Variants in CEMIP2 observed in about 807,000 individuals in gnomAD.
CEMIP2 encodes the protein cell surface hyaluronidase CEMIP2.
A neutral mutation model predicts 146.9 loss-of-function variants in CEMIP2; 79 were observed. The observed-to-expected ratio is 0.54, with a 90% CI of 0.45 to 0.65. The LOEUF is 0.65. CEMIP2 is among the 30% of genes least tolerant of loss of function. CEMIP2 has a pLI of 0.00. For missense variants in CEMIP2, 1,596 were observed against 1,696.2 expected, an observed-to-expected ratio of 0.94 and a Z score of 1.04; for synonymous variants, 601 against 606.3, an observed-to-expected ratio of 0.99 and a Z score of 0.13.
chr9:71,700,859 C>T, intron 18 of CEMIP2, 35 bp from the exon 19 acceptor site: 9 of 1,572,696 alleles, frequency 5.7e-6, no homozygotes, highest in Non-Finnish European at 7.8e-6. Flanking sequence ...TTAGTTTACA[C>T]TTCAGCCATT....
At chr9:71,751,947 G>C (rs1054385952) in intron 1 of CEMIP2, among the ~76,000 whole-genome samples, 79 of 152,042 alleles carry the variant, frequency 5.2e-4, no homozygotes, top group African/African-American at 1.9e-3. Flanking sequence ...CTTAAATTTT[G>C]TTTGAAAAAA....
At chr9:71,720,292 T>C (rs1564008087) in intron 12 of CEMIP2, among the ~76,000 whole-genome samples, 1 of 152,194 alleles carries the variant, frequency 6.6e-6, no homozygotes, top group African/African-American at 2.4e-5. Flanking sequence ...TTAACAGGTT[T>C]TTTTGTTTGT....
intron 20 of CEMIP2, 200 bp downstream of exon 20, chr9:71,697,785 A>G (rs1347671072): frequency 1.8e-6 from 1 of 553,642 alleles, no homozygotes; most frequent in East Asian, 3.0e-5. Flanking sequence ...GACGTATCAC[A>G]GGGGCAAGTA....
At chr9:71,734,480 C>T (rs953463615) in intron 6 of CEMIP2, among the ~76,000 whole-genome samples, 1 of 152,120 alleles carries the variant, frequency 6.6e-6, no homozygotes, top group Non-Finnish European at 1.5e-5. Flanking sequence ...TGTAATGAAC[C>T]TACACATCCT....
intron 14 of CEMIP2, 44 bp from the exon 15 acceptor site, chr9:71,715,133 T>G: frequency 3.8e-6 from 6 of 1,594,724 alleles, no homozygotes; most frequent in Non-Finnish European, 4.3e-6. Context: ...CTCCAGAAAA[T>G]TTAAATGTAT....
chr9:71,734,406 T>G (rs937782429), intron 6 of CEMIP2, among the ~76,000 whole-genome samples: 1 of 152,134 alleles, frequency 6.6e-6, no homozygotes, highest in Admixed American at 6.5e-5. Context: ...TAATGCATGC[T>G]TGGATTAATA....
At chr9:71,696,892 A>G (rs1032617831) in intron 20 of CEMIP2, among the ~76,000 whole-genome samples, 36 of 152,078 alleles carry the variant, frequency 2.4e-4, no homozygotes, top group Non-Finnish European at 2.9e-4. Context: ...TGAAAAAAAA[A>G]AGAGAGAGAA....
At chr9:71,690,347 A>C in intron 21 of CEMIP2, 101 bp from the exon 22 acceptor site, 1 of 1,353,762 alleles carries the variant, frequency 7.4e-7, no homozygotes, top group East Asian at 2.5e-5. Context: ...TAAACCCATG[A>C]TTCAAAGTAT....
intron 17 of CEMIP2, among the ~76,000 whole-genome samples, chr9:71,707,809 C>T (rs575846649): frequency 6.6e-6 from 1 of 152,322 alleles, no homozygotes; most frequent in East Asian, 1.9e-4. Context: ...CAGCCCAATT[C>T]TATGTGGAAA....
In CEMIP2 at chr9:71,690,321, C is replaced by A. The variant is rs1822192402; in HGVS notation, c.3697-75G>T. The stretch of plus-strand genomic sequence containing the variant: ...TGCAGGATGACTCATTTTTCCGGCC[C>A]TTTCCCTGTGTCTTCTAAACCCATG... On this transcript the variant is annotated intron_variant, in intron 21 of 23. Coordinates refer to ENST00000377044, the MANE Select transcript of CEMIP2 (RefSeq NM_013390.3). 7.8e-6 allele frequency: 12 copies of A among 1,532,462 alleles called. No individual in the cohort carries two copies. The South Asian group carries it at 1.4e-4, about 18-fold the overall frequency. The allele number at this position is 1,532,462 out of a possible 1,614,324, so 94.9% of individuals were successfully genotyped here.
chr9:71,741,631 GTTTTTTT>G (rs11334265), intron 4 of CEMIP2, among the ~76,000 whole-genome samples: 7 of 73,166 alleles, frequency 9.6e-5, no homozygotes, highest in Admixed American at 6.9e-4. Context: ...TTCTTTTCTG[GTTTTTTT>G]TTTTTTTTTT....
intron 17 of CEMIP2, among the ~76,000 whole-genome samples, chr9:71,707,427 C>A (rs1202458888): frequency 6.6e-6 from 1 of 152,072 alleles, no homozygotes; most frequent in Non-Finnish European, 1.5e-5. Flanking sequence ...ACCAGAAAGT[C>A]TCTCCCGTCT....
chr9:71,711,984 C>G (rs1325987210), intron 16 of CEMIP2, 99 bp downstream of exon 16: 22 of 1,332,022 alleles, frequency 1.7e-5, no homozygotes, highest in Non-Finnish European at 2.3e-5. Context: ...CCCACTCGTA[C>G]AGACTCGGTG....
intron 15 of CEMIP2, among the ~76,000 whole-genome samples, chr9:71,714,680 T>A (rs1822998362): frequency 6.6e-6 from 1 of 152,232 alleles, no homozygotes; most frequent in African/African-American, 2.4e-5. Context: ...CAAGTTTCTT[T>A]GTTATAAAAT....
At chr9:71,721,114 T>G (rs1236674373) in intron 12 of CEMIP2, among the ~76,000 whole-genome samples, 1 of 152,178 alleles carries the variant, frequency 6.6e-6, no homozygotes. Flanking sequence ...AAATAAGTTT[T>G]TAAGGCAGGG....
At chr9:71,688,171 A>G (rs535432831) in intron 22 of CEMIP2, among the ~76,000 whole-genome samples, 44 of 152,218 alleles carry the variant, frequency 2.9e-4, no homozygotes, top group Non-Finnish European at 6.0e-4. Flanking sequence ...GGCCGGTATT[A>G]CTGAAACAAA....
intron 19 of CEMIP2, chr9:71,699,464 A>AG (rs1288019741): frequency 2.4e-6 from 1 of 418,288 alleles, no homozygotes; most frequent in Non-Finnish European, 4.6e-6. Context: ...AAAAAAAAAA[A>AG]AGAAAGAAAG....
chr9:71,685,895 G>T, intron 22 of CEMIP2, 49 bp from the exon 23 acceptor site: 1 of 1,326,754 alleles, frequency 7.5e-7, no homozygotes, highest in Non-Finnish European at 1.1e-6. Flanking sequence ...CCTTCAGCAT[G>T]AGTATCTTTC....
intron 13 of CEMIP2, among the ~76,000 whole-genome samples, chr9:71,716,895 G>A (rs533272239): frequency 8.5e-5 from 13 of 152,322 alleles, no homozygotes; most frequent in African/African-American, 3.1e-4. Context: ...GTGTTGGCAA[G>A]GTATGGTGGC....
Sources: gnomAD v4.1 joint callset for allele counts (sites outside exome capture counted in the v4.1 genomes callset) on GRCh38, gnomAD v4.1.1 for gene constraint, MANE v1.5 for transcripts, NCBI Gene and HGNC (gene_info 2026-07-23, HGNC 2026-07-21) for gene names.